PPA2: variants seen among roughly 807,000 people sequenced by gnomAD.
PPA2 encodes the protein inorganic pyrophosphatase 2, also known as inorganic pyrophosphatase 2, mitochondrial.
PPA2 carries 48 observed loss-of-function variants against 49.5 expected under a neutral mutation model. The ratio of observed to expected loss-of-function variants is 0.97; its 90% CI spans 0.77 to 1.23. The LOEUF is 1.23. PPA2 is among the 50% of genes most tolerant of loss of function. The pLI is 0.00. For synonymous variants in PPA2, 131 were observed against 139.9 expected (o/e 0.94, Z 0.45); for missense variants, 429 against 410.1 (o/e 1.05, Z -0.40).
At chr4:105,473,550 G>A (rs750214417) in intron 1 of PPA2, 10 of 523,886 alleles carry the variant, frequency 1.9e-5, no homozygotes, top group South Asian at 1.6e-4. Flanking sequence ...ACGGCGGCCG[G>A]GCCGGCTAAT....
intron 7 of PPA2, among the ~76,000 whole-genome samples, chr4:105,420,588 A>G (rs995081642): frequency 6.6e-5 from 10 of 152,242 alleles, no homozygotes; most frequent in African/African-American, 2.4e-4. Context: ...AAATATGCCA[A>G]GAAGTATAGA....
At chr4:105,425,895 G>A (rs575205573) in intron 6 of PPA2, among the ~76,000 whole-genome samples, 2 of 152,056 alleles carry the variant, frequency 1.3e-5, no homozygotes, top group African/African-American at 2.4e-5. Context: ...ATAAGGGTAC[G>A]ATGATAAGAA....
intron 7 of PPA2, among the ~76,000 whole-genome samples, chr4:105,419,998 G>A (rs970979257): frequency 3.3e-5 from 5 of 150,860 alleles, no homozygotes; most frequent in African/African-American, 1.2e-4. Context: ...TTGGGATGGA[G>A]TCTCGCTCTT....
At chr4:105,400,205 TATAAC>T (rs1734305519) in intron 7 of PPA2, among the ~76,000 whole-genome samples, 2 of 152,182 alleles carry the variant, frequency 1.3e-5, no homozygotes, top group Non-Finnish European at 2.9e-5. Context: ...ACTGTTTTGT[TATAAC>T]AAAACAAACA....
chr4:105,395,516 A>C (rs1734103518), intron 9 of PPA2, among the ~76,000 whole-genome samples: 1 of 152,216 alleles, frequency 6.6e-6, no homozygotes, highest in Non-Finnish European at 1.5e-5. Flanking sequence ...GAACTGTAAA[A>C]GAGTGTGGAA....
chr4:105,381,832 C>T (rs1733500220), intron 10 of PPA2, among the ~76,000 whole-genome samples: 1 of 151,904 alleles, frequency 6.6e-6, no homozygotes, highest in South Asian at 2.1e-4. Flanking sequence ...TTAGTTGATC[C>T]TGTCATTATT....
chr4:105,450,911 C>CT (rs1233894872), intron 3 of PPA2, among the ~76,000 whole-genome samples: 1 of 152,036 alleles, frequency 6.6e-6, no homozygotes, highest in African/African-American at 2.4e-5. Context: ...CCTGCCAACA[C>CT]TTTTCTAACG....
intron 7 of PPA2, among the ~76,000 whole-genome samples, chr4:105,403,940 C>T (rs1722338916): frequency 6.6e-6 from 1 of 150,998 alleles, no homozygotes; most frequent in Non-Finnish European, 1.5e-5. Flanking sequence ...CACTCTGTTG[C>T]ACCAGGGGTG....
chr4:105,415,499 T>C (rs946076818), intron 7 of PPA2, among the ~76,000 whole-genome samples: 1 of 151,826 alleles, frequency 6.6e-6, no homozygotes, highest in African/African-American at 2.4e-5. Flanking sequence ...AAAATCAGAG[T>C]GGGGAGAGGC....
chr4:105,375,090 G>C (rs1362895224), intron 10 of PPA2, among the ~76,000 whole-genome samples: 1 of 151,730 alleles, frequency 6.6e-6, no homozygotes, highest in African/African-American at 2.4e-5. Context: ...TTTCGCTTTA[G>C]AATCAACAAT....
intron 7 of PPA2, among the ~76,000 whole-genome samples, chr4:105,415,408 C>G (rs745693030): frequency 6.6e-6 from 1 of 152,234 alleles, no homozygotes; most frequent in Non-Finnish European, 1.5e-5. Context: ...TGGCAGGGGG[C>G]TGGTGTGTCA....
At chr4:105,406,114 CAA>C (rs35468715) in intron 7 of PPA2, among the ~76,000 whole-genome samples, 3 of 97,580 alleles carry the variant, frequency 3.1e-5, no homozygotes, top group Non-Finnish European at 4.3e-5. Context: ...TATAAAACTT[CAA>C]AAAAAAAAAA....
At chr4:105,382,783 G>A (rs1340922140) in intron 10 of PPA2, among the ~76,000 whole-genome samples, 1 of 152,108 alleles carries the variant, frequency 6.6e-6, no homozygotes, top group Non-Finnish European at 1.5e-5. Flanking sequence ...AGGACTGCTT[G>A]AGGCCAGAAG....
chr4:105,389,927 G>A (rs976797040), intron 9 of PPA2, among the ~76,000 whole-genome samples: 1 of 152,090 alleles, frequency 6.6e-6, no homozygotes, highest in Non-Finnish European at 1.5e-5. Flanking sequence ...AACAACTGAG[G>A]CTATCAATAC....
chr4:105,442,282 C>A (rs1299351547), intron 5 of PPA2, among the ~76,000 whole-genome samples: 1 of 152,120 alleles, frequency 6.6e-6, no homozygotes, highest in Non-Finnish European at 1.5e-5. Flanking sequence ...ACTATGGGGC[C>A]AAACACCTCT....
intron 7 of PPA2, among the ~76,000 whole-genome samples, chr4:105,404,342 TA>T (rs1722359837): frequency 6.6e-6 from 1 of 151,972 alleles, no homozygotes; most frequent in South Asian, 2.1e-4. Context: ...TTTTTAAATA[TA>T]ATTAAAAGAT....
Position 105,369,738 on chromosome 4 carries a change from A to C in PPA2, c.992T>G (p.Phe331Cys), listed in dbSNP as rs371782506. ...ESNEEEQVWH[F>C]LGK is the part of the protein sequence containing the mutation. ...CAGATGTTTCAATCACTTGCCAAGG[A>C]AGTGCCACACTTGCTCTGCATTTAA... is the stretch of plus-strand genomic sequence containing the variant. The change falls in exon 12 of 12, where the codon TTC becomes TGC. Residue 331 changes from phenylalanine (F) to cysteine (C), a missense_variant. Transcript: ENST00000341695. The C allele has an allele frequency of 5.7e-6, 9 of 1,592,576 alleles. No homozygotes were observed. Among genetic ancestry groups the C allele is most frequent in the Non-Finnish European group, 6.9e-6 (8 of 1,160,490 alleles).
intron 10 of PPA2, among the ~76,000 whole-genome samples, chr4:105,376,495 C>A (rs1448051676): frequency 6.6e-6 from 1 of 152,122 alleles, no homozygotes; most frequent in Non-Finnish European, 1.5e-5. Flanking sequence ...CTTGTGTGCT[C>A]CAGGTTTATC....
rs548262724 is a variant in PPA2, at chr4:105,420,178, G to A, written c.655+4018C>T. Among the ~76,000 whole-genome samples, 6 of 152,238 alleles carry A rather than the reference G, an allele frequency of 3.9e-5. No individual in the cohort carries two copies. In the South Asian group the frequency reaches 1.2e-3, roughly 32 times the overall value. On this transcript the variant is annotated intron_variant, in intron 7 of 11. Transcript: ENST00000341695. ...GAAGAGATGGGGTTTCTCTACGTGGGTCAGGCTGGTCTTGAACTTCTGACC... is the reference window on the plus strand; with the variant it reads ...GAAGAGATGGGGTTTCTCTACGTGGATCAGGCTGGTCTTGAACTTCTGACC...
Sources: allele counts gnomAD v4.1 joint callset (sites outside exome capture counted in the v4.1 genomes callset), GRCh38; gene constraint gnomAD v4.1.1; transcripts MANE v1.5; gene names NCBI Gene and HGNC (gene_info 2026-07-23, HGNC 2026-07-21).